BAZ1A: variants seen among roughly 807,000 people sequenced by gnomAD.
BAZ1A encodes the protein bromodomain adjacent to zinc finger domain 1A.
Under a neutral mutation model 185.2 loss-of-function variants are expected in BAZ1A, and 50 were observed. That is an observed-to-expected ratio of 0.27 (90% CI 0.22 to 0.34). The LOEUF (loss-of-function observed/expected upper bound fraction) is 0.34, where lower values mean the gene tolerates loss of function less well. Among genes scored for constraint, BAZ1A ranks in the 10% least tolerant of loss-of-function variants. The probability of loss-of-function intolerance (pLI) is 1.00; values close to 1 mark genes in which losing one functional copy is unlikely to be tolerated. For synonymous variants in BAZ1A, 571 were observed against 615.6 expected (o/e 0.93, Z 1.07); for missense variants, 1,356 against 1,839.9 (o/e 0.74, Z 4.81).
intron 12 of BAZ1A, among the ~76,000 whole-genome samples, chr14:34,787,351 C>CAAAAAAAAAAA (rs918534072): frequency 2.4e-5 from 1 of 41,464 alleles, no homozygotes; most frequent in Admixed American, 2.4e-4. Context: ...GACTCTGTCT[C>CAAAAAAAAAAA]AAAAAAAAAA....
At chr14:34,759,337 C>T (rs761046635) in intron 24 of BAZ1A, among the ~76,000 whole-genome samples, 5 of 151,798 alleles carry the variant, frequency 3.3e-5, no homozygotes, top group African/African-American at 4.8e-5. Context: ...CCCGCCACGG[C>T]GCCCGGCTAA....
chr14:34,756,106 G>C (rs1214302945), intron 25 of BAZ1A, among the ~76,000 whole-genome samples: 8 of 136,894 alleles, frequency 5.8e-5, no homozygotes, highest in Admixed American at 5.5e-4. Context: ...CTCCCAAACT[G>C]GTTTTTTTCT....
At chr14:34,783,956 T>A (rs925123475) in intron 14 of BAZ1A, 29 bp from the exon 15 acceptor site, 21 of 1,550,382 alleles carry the variant, frequency 1.4e-5, no homozygotes, top group Non-Finnish European at 1.6e-5. Context: ...TACTTCTGTA[T>A]TATAAATCGC....
intron 3 of BAZ1A, among the ~76,000 whole-genome samples, chr14:34,832,215 C>CACATATATATATATAT: frequency 1.2e-4 from 11 of 89,712 alleles, no homozygotes; most frequent in Non-Finnish European, 9.4e-5. Flanking sequence ...CACACACACA[C>CACATATATATATATAT]ATATATATAT....
At chr14:34,854,786 A>G (rs1334004488) in intron 3 of BAZ1A, among the ~76,000 whole-genome samples, 2 of 152,198 alleles carry the variant, frequency 1.3e-5, no homozygotes, top group African/African-American at 4.8e-5. Context: ...TATCCTATTA[A>G]AACCAAGTGT....
At chr14:34,816,870 T>C (rs1316036327) in intron 4 of BAZ1A, 7 of 445,330 alleles carry the variant, frequency 1.6e-5, no homozygotes, top group South Asian at 1.1e-4. Flanking sequence ...TATCAAGTAA[T>C]TACACACAAT....
chr14:34,851,624 G>A (rs374991347), intron 3 of BAZ1A, among the ~76,000 whole-genome samples: 1 of 151,632 alleles, frequency 6.6e-6, no homozygotes, highest in Non-Finnish European at 1.5e-5. Flanking sequence ...TTCTTCCAGC[G>A]TTTCGTTAAA....
chr14:34,835,496 T>A (rs1308578602), intron 3 of BAZ1A, among the ~76,000 whole-genome samples: 1 of 152,018 alleles, frequency 6.6e-6, no homozygotes, highest in South Asian at 2.1e-4. Context: ...GGAAACATTA[T>A]GTTGACCCAA....
chr14:34,819,222 G>GGTATATAGTTTGGTAC, intron 4 of BAZ1A, among the ~76,000 whole-genome samples: 1 of 151,232 alleles, frequency 6.6e-6, no homozygotes. Flanking sequence ...TCGTGCATAG[G>GGTATATAGTTTGGTAC]GTATATAGTT....
intron 6 of BAZ1A, among the ~76,000 whole-genome samples, chr14:34,805,959 T>A (rs1881834597): frequency 6.6e-6 from 1 of 151,750 alleles, no homozygotes; most frequent in Non-Finnish European, 1.5e-5. Context: ...TTGGCTCACT[T>A]ATTCATGACA....
At chr14:34,823,575 A>C (rs1307075045) in intron 4 of BAZ1A, among the ~76,000 whole-genome samples, 1 of 151,676 alleles carries the variant, frequency 6.6e-6, no homozygotes. Context: ...CAGGAGAATC[A>C]CTTGAACCCG....
chr14:34,784,549 GCT>G (rs1348385126), intron 14 of BAZ1A, among the ~76,000 whole-genome samples: 1 of 151,410 alleles, frequency 6.6e-6, no homozygotes, highest in Non-Finnish European at 1.5e-5. Flanking sequence ...ACGGAGTCTC[GCT>G]CTGACGCCCA....
chr14:34,843,736 G>T (rs1057431277), intron 3 of BAZ1A, among the ~76,000 whole-genome samples: 1 of 152,148 alleles, frequency 6.6e-6, no homozygotes, highest in African/African-American at 2.4e-5. Context: ...TAGCAAGTCA[G>T]TTTGGCCCCA....
intron 3 of BAZ1A, among the ~76,000 whole-genome samples, chr14:34,838,503 T>C (rs2042362609): frequency 6.6e-6 from 1 of 151,294 alleles, no homozygotes; most frequent in African/African-American, 2.4e-5. Context: ...TGCAAGATAA[T>C]ATCATGAGGG....
rs368910929 is a variant in BAZ1A at position 34,779,109 on chromosome 14, C to CA, written c.2236+1076dup. ...AAGCAATCCACCTACCTTGGCCTCT[C>CA]AGAGTGCTGGGATTACAGGCATGAG... On this transcript the variant is annotated intron_variant, in intron 17 of 26. Transcript: ENST00000360310. Among the ~76,000 whole-genome samples the CA allele has an allele frequency of 6.2e-3, 940 of 152,298 alleles. 18 individuals are homozygous for CA. The highest frequency in any genetic ancestry group is 0.022 in the African/African-American group (908 of 41,560).
At chr14:34,800,444 C>T in intron 8 of BAZ1A, 54 bp from the exon 9 acceptor site, 6 of 1,346,150 alleles carry the variant, frequency 4.5e-6, no homozygotes, top group Middle Eastern at 2.6e-4. Context: ...TAACACTTGG[C>T]AATTTTTTTG....
chr14:34,762,005 G>A lies in BAZ1A; in HGVS notation c.3995C>T (p.Ala1332Val). 1 of 1,614,172 alleles carries A rather than the reference G, an allele frequency of 6.2e-7. No homozygotes were observed. Among genetic ancestry groups the A allele is most frequent in the Non-Finnish European group, 8.5e-7 (1 of 1,180,038 alleles). Reference sequence around the variant, plus strand: ...ATGACTGTGGCGAGTAGAACGACTGGCAATTCTTAAAGATTTTGTTTCTGT... The same window carrying A: ...ATGACTGTGGCGAGTAGAACGACTGACAATTCTTAAAGATTTTGTTTCTGT... ...PPTETKSLRI[A>V]SRSTRHSHGP... Residue 1332 changes from alanine (A) to valine (V), a missense_variant, in exon 24 of 27, where the codon GCC becomes GTC. Physicochemically the swap from Ala to Val is moderately conservative, Grantham distance 64. Transcript: ENST00000360310.
intron 10 of BAZ1A, 29 bp downstream of exon 10, chr14:34,795,641 G>T: frequency 6.6e-7 from 1 of 1,510,098 alleles, no homozygotes; most frequent in Non-Finnish European, 9.0e-7. Context: ...AAACCTATGT[G>T]TGCTAAACAT....
chr14:34,840,954 A>G (rs949723833), intron 3 of BAZ1A, among the ~76,000 whole-genome samples: 2 of 94,978 alleles, frequency 2.1e-5, no homozygotes. Flanking sequence ...CAAAATCAAT[A>G]TTTTTTTTTT....
Sources: allele counts gnomAD v4.1 joint callset (sites outside exome capture counted in the v4.1 genomes callset), GRCh38; gene constraint gnomAD v4.1.1; transcripts MANE v1.5; gene names NCBI Gene and HGNC (gene_info 2026-07-23, HGNC 2026-07-21).